SEC62: variants seen among roughly 807,000 people sequenced by gnomAD.
SEC62 encodes translocation protein SEC62.
Under a neutral mutation model 47.5 loss-of-function variants are expected in SEC62, and 10 were observed. That is an observed-to-expected ratio of 0.21 (90% CI 0.13 to 0.36). The LOEUF is 0.36. SEC62 is among the 10% of genes least tolerant of loss of function. The pLI, the probability that SEC62 is intolerant of heterozygous loss-of-function variation, is 1.00. For synonymous variants in SEC62, 136 were observed against 150.5 expected, an observed-to-expected ratio of 0.90 and a Z score of 0.71; for missense variants, 327 against 464.1, an observed-to-expected ratio of 0.70 and a Z score of 2.71.
At chr3:169,985,694 G>T in intron 5 of SEC62, 111 bp from the exon 6 acceptor site, 7 of 653,912 alleles carry the variant, frequency 1.1e-5, no homozygotes, top group Middle Eastern at 2.6e-4. Context: ...ATTACTTCTC[G>T]TATGTTAAGA....
At chr3:169,976,394 C>T (rs1714839201) in intron 2 of SEC62, among the ~76,000 whole-genome samples, 2 of 152,104 alleles carry the variant, frequency 1.3e-5, no homozygotes, top group Non-Finnish European at 1.5e-5. Context: ...ACTAAATTGC[C>T]AGTGTAGAGG....
rs944144686 is a variant in SEC62 at position 169,995,382 on chromosome 3, G to T, written c.*2319G>T. 4 of 152,220 alleles carry T rather than the reference G, an allele frequency of 2.6e-5. No individual in the cohort carries two copies. The highest frequency in any genetic ancestry group is 2.1e-4 in the South Asian group (1 of 4,822). 9.4% of individuals were successfully genotyped at this position (152,220 alleles called of 1,614,324 possible). On this transcript the variant is annotated 3_prime_UTR_variant, in exon 8 of 8. Coordinates refer to ENST00000337002, the MANE Select transcript of SEC62 (RefSeq NM_003262.4). The stretch of plus-strand genomic sequence containing the variant: ...TCTTAAAGTCAATGTATTAAATAAG[G>T]TATTTTTCCTTTTCCCTCTTACTGG...
chr3:169,984,351 A>G (rs1559966555), intron 5 of SEC62, among the ~76,000 whole-genome samples: 1 of 152,206 alleles, frequency 6.6e-6, no homozygotes. Context: ...TCTAGCAAAG[A>G]TACAGGCACT....
intron 2 of SEC62, among the ~76,000 whole-genome samples, chr3:169,976,367 C>T (rs1714837483): frequency 6.8e-6 from 1 of 147,428 alleles, no homozygotes; most frequent in Admixed American, 6.8e-5. Flanking sequence ...GAACCTGTCT[C>T]TTAGAAGAAA....
intron 1 of SEC62, among the ~76,000 whole-genome samples, chr3:169,967,902 G>A (rs1339812058): frequency 1.4e-5 from 2 of 145,590 alleles, no homozygotes; most frequent in Non-Finnish European, 3.0e-5. Context: ...TAAGTTTATC[G>A]ATTTATTGGC....
Position 169,983,155 on chromosome 3 carries a change from T to G in SEC62, c.457-6T>G. ...TATTTCTTCTGTCCAACTTGTGTTTTCATAGGAGGAAACTCCAGGAACTCC... is the reference window on the plus strand; with the variant it reads ...TATTTCTTCTGTCCAACTTGTGTTTGCATAGGAGGAAACTCCAGGAACTCC... On this transcript the variant is annotated splice_region_variant and splice_polypyrimidine_tract_variant and intron_variant, in intron 4 of 7. Transcript: ENST00000337002. The G allele has an allele frequency of 6.2e-7, 1 of 1,602,988 alleles. No homozygotes were observed. The highest frequency in any genetic ancestry group is 8.5e-7 in the Non-Finnish European group (1 of 1,172,580).
chr3:169,989,795 G>C (rs1715196090), intron 7 of SEC62, among the ~76,000 whole-genome samples: 1 of 151,670 alleles, frequency 6.6e-6, no homozygotes, highest in African/African-American at 2.4e-5. Context: ...TATGCATTAT[G>C]AACCAAATAG....
chr3:169,978,410 G>A (rs912649174), intron 3 of SEC62: 2 of 152,136 alleles, frequency 1.3e-5, no homozygotes, highest in Non-Finnish European at 2.9e-5. Flanking sequence ...AAATAAAAAG[G>A]TGAATAGAAT....
At chr3:169,982,668 T>C (rs1199598696) in intron 3 of SEC62, 39 bp from the exon 4 acceptor site, 1 of 1,597,140 alleles carries the variant, frequency 6.3e-7, no homozygotes, top group Non-Finnish European at 8.6e-7. Context: ...AGTCTCTATC[T>C]ATATGGGGAG....
intron 1 of SEC62, among the ~76,000 whole-genome samples, chr3:169,971,096 G>A (rs1430261923): frequency 6.7e-6 from 1 of 149,480 alleles, no homozygotes; most frequent in African/African-American, 2.5e-5. Flanking sequence ...AAAGAGACAA[G>A]GTCTCACTGT....
chr3:169,979,199 C>T (rs1289996803), intron 3 of SEC62, among the ~76,000 whole-genome samples: 3 of 152,166 alleles, frequency 2.0e-5, no homozygotes, highest in African/African-American at 7.2e-5. Context: ...AATAGCATAA[C>T]TTTAAGGTCT....
chr3:169,982,957 C>T, intron 4 of SEC62, 46 bp downstream of exon 4: 1 of 1,546,726 alleles, frequency 6.5e-7, no homozygotes, highest in Non-Finnish European at 8.6e-7. Context: ...TCATTATGTG[C>T]ACATGAACAC....
At chr3:169,970,832 CA>C (rs1330602710) in intron 1 of SEC62, among the ~76,000 whole-genome samples, 1 of 152,074 alleles carries the variant, frequency 6.6e-6, no homozygotes, top group Non-Finnish European at 1.5e-5. Context: ...CTACTATTCC[CA>C]AAAGGCCTTC....
rs1715393672 is a variant in SEC62 at position 169,997,024 on chromosome 3, T to C, written c.*3961T>C. ...AAAGATCTCATAACTTTATACAGCA[T>C]GTTGTAAGCATTTTGATAACTAAAA... is the stretch of plus-strand genomic sequence containing the variant. On this transcript the variant is annotated 3_prime_UTR_variant, in exon 8 of 8. Transcript: ENST00000337002. 6.6e-6 allele frequency: 1 copy of C among 152,224 alleles called. No individual in the cohort carries two copies. Among genetic ancestry groups the C allele is most frequent in the African/African-American group, 2.4e-5 (1 of 41,466 alleles). The allele number at this position is 152,224 out of a possible 1,614,324, so 9.4% of individuals were successfully genotyped here.
intron 5 of SEC62, among the ~76,000 whole-genome samples, chr3:169,984,582 C>T (rs903427559): frequency 4.6e-5 from 7 of 152,004 alleles, no homozygotes; most frequent in Non-Finnish European, 8.8e-5. Context: ...TCCTGAGAAG[C>T]CTAGATTTTA....
intron 7 of SEC62, among the ~76,000 whole-genome samples, chr3:169,990,397 C>T (rs977883549): frequency 9.9e-5 from 15 of 151,748 alleles, no homozygotes; most frequent in African/African-American, 3.1e-4. Flanking sequence ...TAAAATCTGT[C>T]GCTTTTAGCA....
At chr3:169,966,954 A>AGGGGG in intron 1 of SEC62, 96 bp downstream of exon 1, 1 of 89,758 alleles carries the variant, frequency 1.1e-5, no homozygotes, top group South Asian at 7.4e-5. Flanking sequence ...AGCAAGGGCG[A>AGGGGG]GGTGGGGTGG....
chr3:169,990,045 CAT>C (rs897425212), intron 7 of SEC62, among the ~76,000 whole-genome samples: 174 of 146,224 alleles, frequency 1.2e-3, no homozygotes, highest in African/African-American at 2.5e-3. Context: ...TAATATATAT[CAT>C]ATGATATGTC....
intron 3 of SEC62, among the ~76,000 whole-genome samples, chr3:169,979,107 C>T (rs1160393383): frequency 1.3e-5 from 2 of 152,064 alleles, no homozygotes; most frequent in Middle Eastern, 3.2e-3. Flanking sequence ...AGAGAGTGTC[C>T]AAAGACACTC....
Sources: allele counts gnomAD v4.1 joint callset (sites outside exome capture counted in the v4.1 genomes callset), GRCh38; gene constraint gnomAD v4.1.1; transcripts MANE v1.5; gene names NCBI Gene and HGNC (gene_info 2026-07-23, HGNC 2026-07-21).